MALRD1: variants seen among roughly 807,000 people sequenced by gnomAD.
The protein encoded by MALRD1 is MAM and LDL receptor class A domain containing 1, also known as MAM and LDL-receptor class A domain-containing protein 1.
Under a neutral mutation model 242.1 loss-of-function variants are expected in MALRD1, and 247 were observed. That is an observed-to-expected ratio of 1.02 (90% confidence interval 0.92 to 1.13). The LOEUF is 1.13. Ranked by LOEUF, MALRD1 falls within the 50% of genes most tolerant of loss-of-function variation. The probability of loss-of-function intolerance (pLI) is 0.00; values close to 1 mark genes in which losing one functional copy is unlikely to be tolerated. For missense variants in MALRD1, 2,989 were observed against 2,533.1 expected (o/e 1.18, Z -3.86); for synonymous variants, 995 against 866.6 (o/e 1.15, Z -2.60).
chr10:19,149,106 A>G (rs866141562), intron 11 of MALRD1, among the ~76,000 whole-genome samples: 6 of 151,436 alleles, frequency 4.0e-5, no homozygotes, highest in African/African-American at 4.9e-5. Context: ...CTATCTATCT[A>G]TCTATCTATC....
At chr10:19,509,814 G>A (rs1441066069) in intron 31 of MALRD1, among the ~76,000 whole-genome samples, 1 of 152,186 alleles carries the variant, frequency 6.6e-6, no homozygotes, top group Non-Finnish European at 1.5e-5. Context: ...GGATGAAAGG[G>A]TGGGTTGCCC....
At chr10:19,503,242 CATTA>C (rs1406951547) in intron 31 of MALRD1, among the ~76,000 whole-genome samples, 1 of 152,182 alleles carries the variant, frequency 6.6e-6, no homozygotes, top group African/African-American at 2.4e-5. Context: ...ATTGTAAGGA[CATTA>C]ATTAATTTTG....
chr10:19,310,448 CAAAA>C (rs951828987), intron 21 of MALRD1, among the ~76,000 whole-genome samples: 7 of 151,474 alleles, frequency 4.6e-5, no homozygotes, highest in Non-Finnish European at 8.9e-5. Flanking sequence ...TGTTGAAAAA[CAAAA>C]AGCAGCTAGA....
At chr10:19,290,608 A>G (rs1841370845) in intron 21 of MALRD1, 1 of 152,146 alleles carries the variant, frequency 6.6e-6, no homozygotes, top group South Asian at 2.1e-4. Flanking sequence ...TTTAGTAGAA[A>G]AGTATTTTTC....
At chr10:19,369,208 TTGAA>T (rs1845255800) in intron 26 of MALRD1, among the ~76,000 whole-genome samples, 3 of 146,340 alleles carry the variant, frequency 2.1e-5, no homozygotes, top group Non-Finnish European at 3.0e-5. Context: ...ATATTTAAAT[TTGAA>T]TATTAATTCT....
chr10:19,260,249 T>C (rs754756310), intron 19 of MALRD1, among the ~76,000 whole-genome samples: 1 of 151,974 alleles, frequency 6.6e-6, no homozygotes, highest in African/African-American at 2.4e-5. Flanking sequence ...TAGGTTGGCA[T>C]AGAGAATAAG....
chr10:19,608,787 C>G (rs752469276), intron 35 of MALRD1, among the ~76,000 whole-genome samples: 1 of 151,978 alleles, frequency 6.6e-6, no homozygotes, highest in Non-Finnish European at 1.5e-5. Context: ...AGTGAGTACT[C>G]ACAGACCACT....
intron 5 of MALRD1, among the ~76,000 whole-genome samples, chr10:19,105,684 CA>C (rs748977177): frequency 4.6e-4 from 70 of 151,972 alleles, no homozygotes; most frequent in Non-Finnish European, 7.1e-4. Context: ...ACATCCGAAC[CA>C]GCATTTATTA....
At chr10:19,103,648 A>C (rs534055591) in intron 4 of MALRD1, among the ~76,000 whole-genome samples, 30 of 152,254 alleles carry the variant, frequency 2.0e-4, no homozygotes, top group Non-Finnish European at 3.8e-4. Context: ...TGGAGCATGG[A>C]TCCAAAAGCA....
At position 19,279,593 on chromosome 10, in the gene MALRD1, C is replaced by A. The variant is rs375649288; in HGVS notation, c.3080-454C>A. 3.9e-5 allele frequency among the ~76,000 whole-genome samples: 6 copies of A among 152,184 alleles called. No homozygotes were observed. In the South Asian group the frequency reaches 8.3e-4, roughly 21 times the overall value. On this transcript the variant is annotated intron_variant, in intron 19 of 39. Transcript: ENST00000454679. ...TTTCTGGTTTGACTCTTTCCTGAAA[C>A]CTTGAATTTTAAATAAGTGAAAATA...
chr10:19,237,289 C>CT (rs1349675491), intron 18 of MALRD1, among the ~76,000 whole-genome samples: 1 of 150,988 alleles, frequency 6.6e-6, no homozygotes, highest in Non-Finnish European at 1.5e-5. Flanking sequence ...CCATTTTGCC[C>CT]TCCCCACTTC....
chr10:19,485,085 A>G (rs1837178932), intron 29 of MALRD1, among the ~76,000 whole-genome samples: 1 of 152,202 alleles, frequency 6.6e-6, no homozygotes, highest in African/African-American at 2.4e-5. Context: ...GGAAAACCAA[A>G]TACTGCATGT....
intron 19 of MALRD1, among the ~76,000 whole-genome samples, chr10:19,265,548 A>G (rs984885728): frequency 2.6e-5 from 4 of 151,990 alleles, no homozygotes; most frequent in South Asian, 4.2e-4. Context: ...TCCCCTCTCA[A>G]TGATTTCCAG....
intron 21 of MALRD1, among the ~76,000 whole-genome samples, chr10:19,297,710 G>A (rs906976329): frequency 6.6e-5 from 10 of 151,328 alleles, no homozygotes; most frequent in South Asian, 2.1e-4. Context: ...AAGTAACAGG[G>A]GATGCAAAGA....
intron 21 of MALRD1, among the ~76,000 whole-genome samples, chr10:19,321,923 G>A (rs1329005509): frequency 2.0e-5 from 3 of 152,032 alleles, no homozygotes; most frequent in Non-Finnish European, 4.4e-5. Context: ...TGAATCAACG[G>A]TAGATGTGAA....
At chr10:19,530,369 ATT>A (rs543526649) in intron 31 of MALRD1, among the ~76,000 whole-genome samples, 4,704 of 119,478 alleles carry the variant, frequency 0.039, 287 homozygotes, top group African/African-American at 0.096. Context: ...TTATATAAAT[ATT>A]TATATAAATA....
At chr10:19,274,800 A>G (rs2131859462) in intron 19 of MALRD1, among the ~76,000 whole-genome samples, 1 of 152,284 alleles carries the variant, frequency 6.6e-6, no homozygotes, top group East Asian at 1.9e-4. Context: ...AAATGTAGAA[A>G]GGTGCTTGCC....
chr10:19,104,225 T>G (rs1171780796), intron 5 of MALRD1, 150 bp downstream of exon 5: 1 of 435,910 alleles, frequency 2.3e-6, no homozygotes. Context: ...TAACAGTGAC[T>G]GGATCTATAC....
chr10:19,302,797 AAAG>A (rs1842009031), intron 21 of MALRD1, among the ~76,000 whole-genome samples: 1 of 151,792 alleles, frequency 6.6e-6, no homozygotes, highest in African/African-American at 2.4e-5. Context: ...TGAAAAATAA[AAAG>A]GAGGTAAATA....
Sources: allele counts gnomAD v4.1 joint callset (sites outside exome capture counted in the v4.1 genomes callset), GRCh38; gene constraint gnomAD v4.1.1; transcripts MANE v1.5; gene names NCBI Gene and HGNC (gene_info 2026-07-23, HGNC 2026-07-21).